Variants in RPL13 observed in about 807,000 individuals in gnomAD.
The protein encoded by RPL13 is large ribosomal subunit protein eL13.
RPL13 carries 1 observed loss-of-function variant against 21.4 expected under a neutral mutation model. The observed-to-expected ratio is 0.05, with a 90% confidence interval of 0.02 to 0.22. The LOEUF is 0.22. Ranked by LOEUF, RPL13 falls within the 10% of genes least tolerant of loss-of-function variation. The pLI is 1.00. For synonymous variants in RPL13, 143 were observed against 120.5 expected (o/e 1.19, Z -1.23); for missense variants, 289 against 303.0 (o/e 0.95, Z 0.34).
At chr16:89,562,065 G>A (rs1049340324) in intron 4 of RPL13, 7 of 586,806 alleles carry the variant, frequency 1.2e-5, no homozygotes, top group Middle Eastern at 4.4e-4. Context: ...ATACGTTTCC[G>A]GGTAGTTAAA....
chr16:89,562,055 A>G (rs1243672647), intron 4 of RPL13: 2 of 588,442 alleles, frequency 3.4e-6, no homozygotes, highest in African/African-American at 3.7e-5. Flanking sequence ...AGTCCATTGT[A>G]TACGTTTCCG....
downstream of RPL13, chr16:89,566,226 G>T (rs377576737): frequency 7.2e-6 from 1 of 138,614 alleles, no homozygotes; most frequent in Non-Finnish European, 1.7e-5. Flanking sequence ...ATAGTCTCAG[G>T]AGGCGCTAGT....
rs1477061981 is a variant in RPL13, at chr16:89,563,002, C to G, written c.596C>G (p.Ala199Gly). The G allele has an allele frequency of 6.4e-7, 1 of 1,568,678 alleles. No individual in the cohort carries two copies. The highest frequency in any genetic ancestry group is 8.6e-7 in the Non-Finnish European group (1 of 1,157,716). ...CTCTTCGGCATACGGGCAAAAAGAG[C>G]CAAGGAAGCCGCAGAACAGGATGTT... ...ARLFGIRAKR[A>G]KEAAEQDVEK... Residue 199 changes from alanine (A) to glycine (G), a missense_variant, in exon 6 of 6, where the codon GCC (alanine) becomes GGC (glycine). Ala to Gly is a moderately conservative substitution (Grantham distance 60). Transcript: ENST00000311528.
At chr16:89,561,093 G>A (rs574534079) in intron 2 of RPL13, 30 bp downstream of exon 2, 1 of 1,580,958 alleles carries the variant, frequency 6.3e-7, no homozygotes. Context: ...CTGCCCCTGG[G>A]GCTCGTGCCC....
Position 89,564,363 on chromosome 16 carries a change from T to C in RPL13, c.*1321T>C, listed in dbSNP as rs930657973. The C allele has an allele frequency of 6.6e-6, 1 of 152,020 alleles. No individual in the cohort carries two copies. The highest frequency in any genetic ancestry group is 6.6e-5 in the Admixed American group (1 of 15,260). 9.4% of individuals were successfully genotyped at this position (152,020 alleles called of 1,614,324 possible). On this transcript the variant is annotated 3_prime_UTR_variant, in exon 6 of 6. Coordinates refer to ENST00000311528, the MANE Select transcript of RPL13 (RefSeq NM_000977.4). ...TTGGCTACCAGTTTCCTGTCTGAGG[T>C]GTATATGTTAACTTCGTGATCAGTT... is the stretch of plus-strand genomic sequence containing the variant.
intron 5 of RPL13, 111 bp from the exon 6 acceptor site, chr16:89,562,773 G>T: frequency 8.7e-7 from 1 of 1,145,594 alleles, no homozygotes; most frequent in East Asian, 2.7e-5. Context: ...AGTACTTATG[G>T]CAGCGAACCT....
At chr16:89,565,019 TTCAGGTA>T (rs2058774045), downstream of RPL13, 1 of 152,288 alleles carries the variant, frequency 6.6e-6, no homozygotes, top group Non-Finnish European at 1.5e-5. Context: ...GAAGTCAGGG[TTCAGGTA>T]TCATCTGTGC....
Position 89,561,325 on chromosome 16 carries a change from C to T in RPL13, c.203C>T (p.Thr68Met), listed in dbSNP as rs1342966310. The change falls in exon 3 of 6, where the codon ACG (threonine) becomes ATG (methionine). Residue 68 changes from threonine to methionine, a missense_variant. Thr to Met is a moderately conservative substitution (Grantham distance 81, BLOSUM62 -1). Transcript: ENST00000311528. ...IVRCPTVRYH[T>M]KVRAGRGFSL... ...CGCTGCCCCACGGTTCGGTACCACACGAAGGTGCGCGCCGGCCGCGGCTTC... is the reference window on the plus strand; with the variant it reads ...CGCTGCCCCACGGTTCGGTACCACATGAAGGTGCGCGCCGGCCGCGGCTTC... The T allele has an allele frequency of 1.9e-6, 3 of 1,595,526 alleles. No homozygotes were observed. Among genetic ancestry groups the T allele is most frequent in the Admixed American group, 1.7e-5 (1 of 58,318 alleles).
At chr16:89,561,199 T>TGACC in intron 2 of RPL13, 28 bp from the exon 3 acceptor site, 2 of 1,529,160 alleles carry the variant, frequency 1.3e-6, no homozygotes, top group Non-Finnish European at 1.8e-6. Flanking sequence ...TAGGCAAGGG[T>TGACC]GACCGCCGCT....
downstream of RPL13, chr16:89,566,286 C>T (rs2058790260): frequency 6.6e-6 from 1 of 151,184 alleles, no homozygotes; most frequent in Non-Finnish European, 1.5e-5. Flanking sequence ...AGTCTCCTGC[C>T]CCGGTGATCG....
At chr16:89,561,858 A>C in intron 4 of RPL13, 107 bp downstream of exon 4, 1 of 1,222,152 alleles carries the variant, frequency 8.2e-7, no homozygotes, top group Non-Finnish European at 1.1e-6. Context: ...AAGAACCAAA[A>C]CATTGTGGGT....
chr16:89,561,937 A>G (rs1231232012), intron 4 of RPL13, 186 bp downstream of exon 4: 2 of 700,618 alleles, frequency 2.9e-6, no homozygotes, highest in Non-Finnish European at 4.6e-6. Flanking sequence ...TGGACATGGC[A>G]AGGCTGTGTG....
intron 4 of RPL13, chr16:89,562,022 C>A: frequency 1.7e-6 from 1 of 589,118 alleles, no homozygotes; most frequent in Non-Finnish European, 3.0e-6. Flanking sequence ...CTAGAAAGAC[C>A]TTGTAGGATA....
At position 89,562,403 on chromosome 16, in the gene RPL13, C is replaced by T. The variant is rs1860612794; in HGVS notation, c.477+12C>T. 6.2e-7 allele frequency: 1 copy of T among 1,609,186 alleles called. No homozygotes were observed. The stretch of plus-strand genomic sequence containing the variant: ...TGCCCGTCCGGAACGTAAGTGAACA[C>T]TTACTCAAATCCAGGCTTCAGACGA... On this transcript the variant is annotated intron_variant, in intron 5 of 5. Coordinates refer to ENST00000311528, the MANE Select transcript of RPL13 (RefSeq NM_000977.4).
At chr16:89,562,818 C>T (rs745354564) in intron 5 of RPL13, 66 bp from the exon 6 acceptor site, 111 of 1,457,294 alleles carry the variant, frequency 7.6e-5, no homozygotes, top group Non-Finnish European at 9.9e-5. Flanking sequence ...CCAGGTTCTC[C>T]TGACGCTTGG....
chr16:89,562,213 A>G (rs3751690), intron 4 of RPL13, 122 bp from the exon 5 acceptor site: 148,409 of 859,214 alleles, frequency 0.17, 13,482 homozygotes, highest in Middle Eastern at 0.2. Context: ...AGTGTGTTGT[A>G]GAAAAGGCTC....
intron 4 of RPL13, 21 bp downstream of exon 4, chr16:89,561,772 C>T (rs1220007019): frequency 6.2e-7 from 1 of 1,606,692 alleles, no homozygotes; most frequent in Admixed American, 1.7e-5. Flanking sequence ...GGCTCTCTGG[C>T]CGTCCTGGTG....
At position 89,561,402 on chromosome 16, in the gene RPL13, C is replaced by T. The variant is rs762687755; in HGVS notation, c.246+34C>T. The T allele has an allele frequency of 6.2e-6, 10 of 1,611,832 alleles. No individual in the cohort carries two copies. In the Admixed American group the frequency reaches 1.0e-4, roughly 16 times the overall value. ...TGGCAGCGCTGCGGTGTCAGGAAGG[C>T]CCCGAAGTCCCCTCTGTTGGCCTCA... On this transcript the variant is annotated intron_variant, in intron 3 of 5. Coordinates refer to ENST00000311528, the MANE Select transcript of RPL13 (RefSeq NM_000977.4).
At chr16:89,562,509 G>A in intron 5 of RPL13, 118 bp downstream of exon 5, 1 of 945,158 alleles carries the variant, frequency 1.1e-6, no homozygotes, top group Non-Finnish European at 1.6e-6. Flanking sequence ...GCAGTTGTGG[G>A]TGTGGAGGTT....
Sources: allele counts gnomAD v4.1 joint callset, GRCh38; gene constraint gnomAD v4.1.1; transcripts MANE v1.5; gene names NCBI Gene and HGNC (gene_info 2026-07-23, HGNC 2026-07-21).